PKNOX2: variants seen among roughly 807,000 people sequenced by gnomAD.
PKNOX2 encodes the protein homeobox protein PKNOX2.
PKNOX2 carries 14 observed loss-of-function variants against 53.1 expected under a neutral mutation model. The observed-to-expected ratio is 0.26, with a 90% CI of 0.17 to 0.41. PKNOX2 has a LOEUF of 0.41. Ranked by LOEUF, PKNOX2 falls within the 10% of genes least tolerant of loss-of-function variation. PKNOX2 has a pLI of 1.00. For synonymous variants in PKNOX2, 257 were observed against 242.8 expected (o/e 1.06, Z -0.54); for missense variants, 496 against 602.8 (o/e 0.82, Z 1.85).
intron 2 of PKNOX2, among the ~76,000 whole-genome samples, chr11:125,265,868 C>T (rs1667745080): frequency 6.6e-6 from 1 of 152,184 alleles, no homozygotes; most frequent in South Asian, 2.1e-4. Flanking sequence ...TCCTCACCGT[C>T]TAAACTCTCA....
At chr11:125,182,163 A>G (rs1375861909) in intron 1 of PKNOX2, among the ~76,000 whole-genome samples, 1 of 152,122 alleles carries the variant, frequency 6.6e-6, no homozygotes, top group African/African-American at 2.4e-5. Context: ...TTGTCTAACC[A>G]CCCCAGTTTG....
intron 7 of PKNOX2, among the ~76,000 whole-genome samples, chr11:125,408,843 C>T (rs1955288130): frequency 2.0e-5 from 3 of 152,164 alleles, no homozygotes; most frequent in Admixed American, 6.5e-5. Flanking sequence ...GCTCAAAACC[C>T]TAGACTTGCC....
chr11:125,222,284 G>A (rs1264094777), intron 1 of PKNOX2, among the ~76,000 whole-genome samples: 5 of 152,036 alleles, frequency 3.3e-5, no homozygotes, highest in South Asian at 4.2e-4. Flanking sequence ...GGGCTGACAC[G>A]GATGCCTTTC....
chr11:125,178,401 C>A (rs149696829), intron 1 of PKNOX2, among the ~76,000 whole-genome samples: 3,382 of 151,458 alleles, frequency 0.022, 59 homozygotes, highest in Middle Eastern at 0.041. Flanking sequence ...ATCCCAGCTA[C>A]TTGGGAGGCT....
chr11:125,408,187 T>C (rs1278339793), intron 7 of PKNOX2, among the ~76,000 whole-genome samples: 2 of 152,220 alleles, frequency 1.3e-5, no homozygotes, highest in African/African-American at 4.8e-5. Context: ...CAGGCATCTC[T>C]AAACCTCAGT....
intron 1 of PKNOX2, among the ~76,000 whole-genome samples, chr11:125,202,495 C>T (rs1288398152): frequency 3.9e-5 from 6 of 152,346 alleles, no homozygotes. Context: ...GTGTCTGTCC[C>T]CAAAGAGGTC....
chr11:125,346,622 G>A (rs928139997), intron 3 of PKNOX2, among the ~76,000 whole-genome samples: 1 of 152,198 alleles, frequency 6.6e-6, no homozygotes, highest in Non-Finnish European at 1.5e-5. Flanking sequence ...GACAGAGGAT[G>A]TGACTTCCAC....
At chr11:125,222,605 C>CTGTGTGTGTGTGTG (rs1010713566) in intron 1 of PKNOX2, among the ~76,000 whole-genome samples, 2,007 of 140,698 alleles carry the variant, frequency 0.014, 40 homozygotes, top group African/African-American at 0.049. Context: ...GTGTGTGTGT[C>CTGTGTGTGTGTGTG]TGTGTGTATG....
chr11:125,208,027 G>A (rs1432911653), intron 1 of PKNOX2, among the ~76,000 whole-genome samples: 1 of 152,116 alleles, frequency 6.6e-6, no homozygotes, highest in Non-Finnish European at 1.5e-5. Context: ...AATGTAAGTA[G>A]CTGTAATGCA....
chr11:125,406,561 G>C (rs7108240), intron 7 of PKNOX2, among the ~76,000 whole-genome samples: 11,952 of 152,146 alleles, frequency 0.079, 1,524 homozygotes, highest in African/African-American at 0.27. Context: ...TTATTGGATG[G>C]CTAAATGTGC....
At chr11:125,200,675 G>A (rs1443834437) in intron 1 of PKNOX2, among the ~76,000 whole-genome samples, 1 of 152,206 alleles carries the variant, frequency 6.6e-6, no homozygotes, top group African/African-American at 2.4e-5. Context: ...CCTGCACCAA[G>A]GCCACCACAG....
intron 5 of PKNOX2, among the ~76,000 whole-genome samples, chr11:125,376,707 G>A (rs770619061): frequency 2.0e-5 from 3 of 152,028 alleles, no homozygotes; most frequent in African/African-American, 4.8e-5. Context: ...TCACTGATTC[G>A]TCAAAAATGT....
At position 125,184,809 on chromosome 11, in the gene PKNOX2, G is replaced by GATT. The variant is rs553032415; in HGVS notation, c.-201+20033_-201+20034insATT. Among the ~76,000 whole-genome samples, 10 of 152,296 alleles carry GATT rather than the reference G, an allele frequency of 6.6e-5. No individual in the cohort carries two copies. In the South Asian group the frequency reaches 1.5e-3, roughly 22 times the overall value. On this transcript the variant is annotated intron_variant, in intron 1 of 12. Transcript: ENST00000298282. ...AAGAAGACCTAGTAAATCCTTAGTG[G>GATT]TAATAGGAATGACAGCAACACCATC...
At chr11:125,345,358 C>T (rs1432946876) in intron 3 of PKNOX2, among the ~76,000 whole-genome samples, 1 of 152,156 alleles carries the variant, frequency 6.6e-6, no homozygotes, top group East Asian at 1.9e-4. Context: ...GGTGCATCCT[C>T]TCTCTCCATT....
intron 2 of PKNOX2, among the ~76,000 whole-genome samples, chr11:125,257,669 G>A (rs1591499706): frequency 6.6e-6 from 1 of 152,218 alleles, no homozygotes; most frequent in Admixed American, 6.5e-5. Flanking sequence ...AAGGGATGAC[G>A]TTTTAGAACA....
Position 125,396,277 on chromosome 11 carries a change from T to C in PKNOX2, c.400-1597T>C, listed in dbSNP as rs1355474873. ...CCTGGATCATGCTTTTGGTGTCAACTCTAAGATCTCTTTGCCTCACCCTAG... is the reference window on the plus strand; with the variant it reads ...CCTGGATCATGCTTTTGGTGTCAACCCTAAGATCTCTTTGCCTCACCCTAG... On this transcript the variant is annotated intron_variant, in intron 6 of 12. Transcript: ENST00000298282. Among the ~76,000 whole-genome samples, 6 of 152,190 alleles carry C rather than the reference T, an allele frequency of 3.9e-5. 1 individual carries two copies. Among genetic ancestry groups the C allele is most frequent in the African/African-American group, 1.4e-4 (6 of 41,444 alleles).
At chr11:125,423,387 A>G (rs967703640) in intron 10 of PKNOX2, among the ~76,000 whole-genome samples, 1 of 152,062 alleles carries the variant, frequency 6.6e-6, no homozygotes, top group East Asian at 1.9e-4. Context: ...ACGTTCAACA[A>G]TAATTGAAAA....
chr11:125,349,499 C>T (rs968138856), intron 3 of PKNOX2, among the ~76,000 whole-genome samples: 1 of 152,146 alleles, frequency 6.6e-6, no homozygotes. Context: ...CAGGCGGGGG[C>T]GAGTGACAGG....
chr11:125,254,522 A>G (rs1316834339), intron 2 of PKNOX2, among the ~76,000 whole-genome samples: 1 of 152,234 alleles, frequency 6.6e-6, no homozygotes, highest in Non-Finnish European at 1.5e-5. Flanking sequence ...GTGGCTTACC[A>G]TTCTGAGCCT....
Sources: allele counts gnomAD v4.1 joint callset (sites outside exome capture counted in the v4.1 genomes callset), GRCh38; gene constraint gnomAD v4.1.1; transcripts MANE v1.5; gene names NCBI Gene and HGNC (gene_info 2026-07-23, HGNC 2026-07-21).